DPP10: variants seen among roughly 807,000 people sequenced by gnomAD.
DPP10 encodes dipeptidyl peptidase like 10, also known as inactive dipeptidyl peptidase 10.
Under a neutral mutation model 120.9 loss-of-function variants are expected in DPP10, and 33 were observed. The observed-to-expected ratio is 0.27, with a 90% confidence interval of 0.21 to 0.37. The LOEUF (loss-of-function observed/expected upper bound fraction) is 0.37, where lower values mean the gene tolerates loss of function less well. Ranked by LOEUF, DPP10 falls within the 10% of genes least tolerant of loss-of-function variation. DPP10 has a pLI of 1.00. For synonymous variants in DPP10, 337 were observed against 326.1 expected (o/e 1.03, Z -0.36); for missense variants, 816 against 942.8 (o/e 0.87, Z 1.76).
At chr2:115,113,024 A>G (rs1433041317) in intron 1 of DPP10, among the ~76,000 whole-genome samples, 1 of 152,102 alleles carries the variant, frequency 6.6e-6, no homozygotes, top group African/African-American at 2.4e-5. Flanking sequence ...AGTTGTTTGC[A>G]TAGGTTTACT....
chr2:114,881,679 G>A (rs1005694954), intron 1 of DPP10, among the ~76,000 whole-genome samples: 1 of 151,716 alleles, frequency 6.6e-6, no homozygotes, highest in Non-Finnish European at 1.5e-5. Context: ...TTAGTGAAAT[G>A]AATTAATAAG....
At chr2:114,889,562 A>G (rs899679669) in intron 1 of DPP10, among the ~76,000 whole-genome samples, 2 of 152,064 alleles carry the variant, frequency 1.3e-5, no homozygotes, top group African/African-American at 4.8e-5. Flanking sequence ...ACACTTTTAA[A>G]CATTCTATAT....
At chr2:114,447,349 C>T (rs1164861905) in intron 1 of DPP10, among the ~76,000 whole-genome samples, 1 of 151,988 alleles carries the variant, frequency 6.6e-6, no homozygotes, top group African/African-American at 2.4e-5. Context: ...GACAAACCTG[C>T]GTTTCACATA....
intron 5 of DPP10, among the ~76,000 whole-genome samples, chr2:115,553,891 C>A (rs1014480121): frequency 2.0e-5 from 3 of 151,256 alleles, no homozygotes; most frequent in Admixed American, 6.6e-5. Context: ...CAAAATAAGT[C>A]ACTGAATTAT....
chr2:115,323,351 C>T (rs1482628585), intron 2 of DPP10, among the ~76,000 whole-genome samples: 1 of 152,144 alleles, frequency 6.6e-6, no homozygotes, highest in Admixed American at 6.6e-5. Context: ...CTTCATGTTC[C>T]ACTTTTAATT....
At chr2:115,426,045 C>T (rs1450716706) in intron 3 of DPP10, among the ~76,000 whole-genome samples, 4 of 151,694 alleles carry the variant, frequency 2.6e-5, no homozygotes, top group Admixed American at 1.3e-4. Flanking sequence ...ACCTCCGACA[C>T]TGGAGATGAC....
At chr2:115,117,124 T>C (rs2049552226) in intron 1 of DPP10, among the ~76,000 whole-genome samples, 1 of 152,224 alleles carries the variant, frequency 6.6e-6, no homozygotes, top group Admixed American at 6.5e-5. Context: ...ACTCTTCCTG[T>C]TGTATTGCCT....
At chr2:115,682,785 G>A (rs927256856) in intron 5 of DPP10, among the ~76,000 whole-genome samples, 1 of 151,762 alleles carries the variant, frequency 6.6e-6, no homozygotes, top group Non-Finnish European at 1.5e-5. Context: ...AAATAAAAAC[G>A]TGTACTTCAT....
At chr2:115,031,710 A>T (rs10194214) in intron 1 of DPP10, among the ~76,000 whole-genome samples, 83,098 of 151,390 alleles carry the variant, frequency 0.55, 23,734 homozygotes, top group East Asian at 0.65. Flanking sequence ...ATTTTTTTTT[A>T]AAATAATGTG....
intron 5 of DPP10, among the ~76,000 whole-genome samples, chr2:115,544,164 C>T (rs1304944306): frequency 1.3e-5 from 2 of 151,592 alleles, no homozygotes; most frequent in African/African-American, 2.4e-5. Context: ...AAAATTTTGT[C>T]ACAAAAACCA....
At chr2:114,674,723 G>A (rs1004225569) in intron 1 of DPP10, among the ~76,000 whole-genome samples, 1 of 152,156 alleles carries the variant, frequency 6.6e-6, no homozygotes, top group African/African-American at 2.4e-5. Context: ...TACGATATGT[G>A]CTATGAAGAA....
intron 1 of DPP10, among the ~76,000 whole-genome samples, chr2:114,641,861 A>T (rs1695732363): frequency 6.6e-6 from 1 of 151,930 alleles, no homozygotes; most frequent in African/African-American, 2.4e-5. Flanking sequence ...CAAAAGCACA[A>T]AACCAACCTC....
At chr2:114,828,183 C>T (rs1471154638) in intron 1 of DPP10, among the ~76,000 whole-genome samples, 1 of 152,106 alleles carries the variant, frequency 6.6e-6, no homozygotes, top group Non-Finnish European at 1.5e-5. Context: ...CAAGTTTCAT[C>T]CTCTGATAAT....
At chr2:114,991,518 T>C (rs1700753232) in intron 1 of DPP10, among the ~76,000 whole-genome samples, 1 of 152,206 alleles carries the variant, frequency 6.6e-6, no homozygotes, top group Non-Finnish European at 1.5e-5. Flanking sequence ...CACAACATGA[T>C]ACAATAGATT....
At chr2:114,684,889 A>C (rs1238762731) in intron 1 of DPP10, among the ~76,000 whole-genome samples, 1 of 151,924 alleles carries the variant, frequency 6.6e-6, no homozygotes. Context: ...AGGAGATGCT[A>C]CCTAGGGGAG....
In DPP10 at chr2:114,494,109, A is replaced by AC. The variant is rs1558810418; in HGVS notation, c.60+51271_60+51272insC. On this transcript the variant is annotated intron_variant, in intron 1 of 25. Transcript: ENST00000410059. ...TAAAGACAGCAATAAGGCAAAAAAAAAAAAAAAAAAAACCCAGCAAATTGT... is the reference window on the plus strand; with the variant it reads ...TAAAGACAGCAATAAGGCAAAAAAAACAAAAAAAAAAAACCCAGCAAATTGT... Among the ~76,000 whole-genome samples, 3 of 144,262 alleles carry AC rather than the reference A, an allele frequency of 2.1e-5. No homozygotes were observed. In the Admixed American group the frequency reaches 2.2e-4, roughly 11 times the overall value. The allele number at this position is 144,262 out of a possible 152,430, so 94.6% of individuals were successfully genotyped here.
chr2:114,993,142 A>G (rs1457978995), intron 1 of DPP10, among the ~76,000 whole-genome samples: 1 of 152,148 alleles, frequency 6.6e-6, no homozygotes, highest in Non-Finnish European at 1.5e-5. Context: ...TTGAAATCTC[A>G]GAGTCAATAA....
intron 1 of DPP10, among the ~76,000 whole-genome samples, chr2:114,490,864 GAGAC>G (rs1402454692): frequency 6.6e-6 from 1 of 152,122 alleles, no homozygotes; most frequent in Non-Finnish European, 1.5e-5. Context: ...TTTTATAGAA[GAGAC>G]ACTAGTAGAC....
At chr2:115,826,518 C>T (rs766638687) in intron 21 of DPP10, among the ~76,000 whole-genome samples, 14 of 151,926 alleles carry the variant, frequency 9.2e-5, no homozygotes, top group Non-Finnish European at 1.5e-4. Context: ...GTCAGGAGTT[C>T]GAGACCAGCC....
Sources: gnomAD v4.1 joint callset for allele counts (sites outside exome capture counted in the v4.1 genomes callset) on GRCh38, gnomAD v4.1.1 for gene constraint, MANE v1.5 for transcripts, NCBI Gene and HGNC (gene_info 2026-07-23, HGNC 2026-07-21) for gene names.